The following RAB3GAP1 variants were observed in gnomAD, a reference collection of about 807,000 sequenced individuals.
The protein encoded by RAB3GAP1 is RAB3 GTPase activating protein catalytic subunit 1, also known as rab3 GTPase-activating protein catalytic subunit.
A neutral mutation model predicts 130.7 loss-of-function variants in RAB3GAP1; 86 were observed. The ratio of observed to expected loss-of-function variants is 0.66; its 90% confidence interval spans 0.55 to 0.79. RAB3GAP1 has a LOEUF of 0.79. Ranked by LOEUF, RAB3GAP1 falls within the 30% of genes least tolerant of loss-of-function variation. The pLI is 0.00. For synonymous variants in RAB3GAP1, 367 were observed against 401.7 expected (o/e 0.91, Z 1.03); for missense variants, 1,029 against 1,169.4 (o/e 0.88, Z 1.75).
chr2:135,088,116 T>C (rs906682644), intron 3 of RAB3GAP1, among the ~76,000 whole-genome samples: 1 of 152,188 alleles, frequency 6.6e-6, no homozygotes, highest in Admixed American at 6.5e-5. Flanking sequence ...AGGTTGACAA[T>C]AGTACCGGAA....
intron 3 of RAB3GAP1, among the ~76,000 whole-genome samples, chr2:135,085,402 CA>C (rs919951897): frequency 1.3e-5 from 2 of 151,968 alleles, no homozygotes; most frequent in African/African-American, 4.8e-5. Flanking sequence ...GAGGAGGGAA[CA>C]ATAGCAGATT....
chr2:135,144,798 A>G (rs923608885), intron 17 of RAB3GAP1, among the ~76,000 whole-genome samples: 1 of 152,164 alleles, frequency 6.6e-6, no homozygotes, highest in African/African-American at 2.4e-5. Context: ...AGTCCTAAAA[A>G]TGATTCTTTT....
intron 6 of RAB3GAP1, 86 bp downstream of exon 6, chr2:135,113,356 TTTAACTGTAA>T: frequency 1.3e-6 from 2 of 1,540,462 alleles, no homozygotes; most frequent in Non-Finnish European, 1.8e-6. Context: ...ATGTTAGCTT[TTTAACTGTAA>T]TTAGGAACTT....
At chr2:135,098,271 A>G (rs1439222496) in intron 5 of RAB3GAP1, among the ~76,000 whole-genome samples, 1 of 152,096 alleles carries the variant, frequency 6.6e-6, no homozygotes, top group Admixed American at 6.5e-5. Flanking sequence ...CTTTGGATGT[A>G]AATCTTTTTT....
Position 135,133,896 on chromosome 2 carries a change from C to T in RAB3GAP1, c.1362C>T (p.Asp454=). Residue 454 remains aspartate (D), a synonymous_variant, in exon 15 of 24, where the codon GAC becomes GAT. Coordinates refer to ENST00000264158, the MANE Select transcript of RAB3GAP1 (RefSeq NM_012233.3). ...ATCAGTTCAAGTCTGCACCATCTGA[C>T]AGTTTAACATACAAACTGGCTTTGT... ...LYNQFKSAPS[D]SLTYKLALCL... is the part of the protein sequence containing the mutation. 1 of 1,613,812 alleles carries T rather than the reference C, an allele frequency of 6.2e-7. No homozygotes were observed. Among genetic ancestry groups the T allele is most frequent in the Non-Finnish European group, 8.5e-7 (1 of 1,179,758 alleles).
chr2:135,073,199 A>G (rs1484219316), intron 3 of RAB3GAP1, among the ~76,000 whole-genome samples: 1 of 152,224 alleles, frequency 6.6e-6, no homozygotes, highest in Non-Finnish European at 1.5e-5. Context: ...TAAGTAATAT[A>G]AAGCAGTGTG....
chr2:135,149,338 A>G (rs1692098079), intron 17 of RAB3GAP1, among the ~76,000 whole-genome samples: 1 of 152,224 alleles, frequency 6.6e-6, no homozygotes, highest in South Asian at 2.1e-4. Context: ...GAAGCCTATA[A>G]TATAACCTAA....
In RAB3GAP1 at chr2:135,126,609, A is replaced by C. The variant is rs775148152; in HGVS notation, c.926A>C (p.His309Pro). Reference protein sequence around the residue: ...YSDLDPIQAPHWSVRVRKAEN... With the variant: ...YSDLDPIQAPPWSVRVRKAEN... ...GATTTGGATCCTATTCAAGCTCCACATTGGTCTGTTAGAGTTCGAAAAGCT... is the reference window on the plus strand; with the variant it reads ...GATTTGGATCCTATTCAAGCTCCACCTTGGTCTGTTAGAGTTCGAAAAGCT... The change falls in exon 11 of 24, where the codon CAT becomes CCT. Residue 309 changes from histidine (H) to proline (P), a missense_variant. Transcript: ENST00000264158. 6.2e-7 allele frequency: 1 copy of C among 1,613,290 alleles called. No individual in the cohort carries two copies. The highest frequency in any genetic ancestry group is 8.5e-7 in the Non-Finnish European group (1 of 1,179,324).
chr2:135,081,234 G>A (rs1423236203), intron 3 of RAB3GAP1, among the ~76,000 whole-genome samples: 2 of 145,796 alleles, frequency 1.4e-5, no homozygotes, highest in African/African-American at 2.6e-5. Flanking sequence ...GTGAACCCGG[G>A]AGGTGGAGCT....
intron 8 of RAB3GAP1, among the ~76,000 whole-genome samples, chr2:135,123,688 A>T (rs1691266610): frequency 6.6e-6 from 1 of 152,116 alleles, no homozygotes; most frequent in Admixed American, 6.5e-5. Context: ...TCTGATCTTT[A>T]TATATTTCCA....
At chr2:135,106,993 GA>G (rs974516300) in intron 5 of RAB3GAP1, among the ~76,000 whole-genome samples, 4 of 149,686 alleles carry the variant, frequency 2.7e-5, no homozygotes, top group Non-Finnish European at 5.9e-5. Flanking sequence ...GGCAGCAAGA[GA>G]AAAATGACTT....
At chr2:135,115,105 C>A in intron 6 of RAB3GAP1, 111 bp from the exon 7 acceptor site, 1 of 1,011,270 alleles carries the variant, frequency 9.9e-7, no homozygotes, top group East Asian at 2.5e-5. Flanking sequence ...GTTGTGTTTC[C>A]AGTTTAGTGC....
At chr2:135,140,479 C>T (rs191773807) in intron 17 of RAB3GAP1, among the ~76,000 whole-genome samples, 5 of 152,230 alleles carry the variant, frequency 3.3e-5, no homozygotes, top group East Asian at 3.9e-4. Context: ...TAATCATGCT[C>T]GTGGCTATAA....
chr2:135,082,682 C>T (rs886367337), intron 3 of RAB3GAP1, among the ~76,000 whole-genome samples: 3 of 152,082 alleles, frequency 2.0e-5, no homozygotes, highest in Non-Finnish European at 4.4e-5. Context: ...CTCAGGTGAT[C>T]CACCTGCCTC....
At chr2:135,123,225 AT>A (rs1691253987) in intron 8 of RAB3GAP1, among the ~76,000 whole-genome samples, 1 of 152,300 alleles carries the variant, frequency 6.6e-6, no homozygotes, top group African/African-American at 2.4e-5. Flanking sequence ...TTTAGTAATA[AT>A]TTTTAATTTA....
intron 3 of RAB3GAP1, among the ~76,000 whole-genome samples, chr2:135,084,324 A>G (rs1273634800): frequency 6.6e-6 from 1 of 152,214 alleles, no homozygotes; most frequent in Non-Finnish European, 1.5e-5. Context: ...TCTGGATACA[A>G]GTCCCCATGG....
At chr2:135,101,013 A>G (rs1209290351) in intron 5 of RAB3GAP1, among the ~76,000 whole-genome samples, 1 of 152,228 alleles carries the variant, frequency 6.6e-6, no homozygotes, top group African/African-American at 2.4e-5. Flanking sequence ...TTGAGGCAGA[A>G]TTAGTAGAGG....
At chr2:135,088,186 A>G (rs2104870745) in intron 3 of RAB3GAP1, among the ~76,000 whole-genome samples, 1 of 152,322 alleles carries the variant, frequency 6.6e-6, no homozygotes, top group East Asian at 1.9e-4. Flanking sequence ...TGCAAACTTG[A>G]AAAAGGGATT....
chr2:135,070,144 A>G (rs1574081807), intron 3 of RAB3GAP1, among the ~76,000 whole-genome samples: 1 of 152,222 alleles, frequency 6.6e-6, no homozygotes, highest in East Asian at 1.9e-4. Flanking sequence ...ATTCCTGTCA[A>G]ACAACTTGGT....
Sources: gnomAD v4.1 joint callset for allele counts (sites outside exome capture counted in the v4.1 genomes callset) on GRCh38, gnomAD v4.1.1 for gene constraint, MANE v1.5 for transcripts, NCBI Gene and HGNC (gene_info 2026-07-23, HGNC 2026-07-21) for gene names.